Variants in HS6ST3 observed in about 807,000 individuals in gnomAD.
HS6ST3 encodes the protein heparan-sulfate 6-O-sulfotransferase 3.
HS6ST3 carries 12 observed loss-of-function variants against 36.7 expected under a neutral mutation model. The ratio of observed to expected loss-of-function variants is 0.33; its 90% CI spans 0.21 to 0.53. The LOEUF is 0.53. Ranked by LOEUF, HS6ST3 falls within the 20% of genes least tolerant of loss-of-function variation. The pLI is 0.95. For synonymous variants in HS6ST3, 240 were observed against 257.5 expected (o/e 0.93, Z 0.65); for missense variants, 584 against 640.9 (o/e 0.91, Z 0.96).
chr13:96,181,983 C>T (rs1410590967), intron 1 of HS6ST3, among the ~76,000 whole-genome samples: 1 of 152,108 alleles, frequency 6.6e-6, no homozygotes, highest in African/African-American at 2.4e-5. Context: ...TATTCACCTA[C>T]CCTGTTTTGT....
chr13:96,650,146 C>A (rs956713981), intron 1 of HS6ST3, among the ~76,000 whole-genome samples: 8 of 151,942 alleles, frequency 5.3e-5, no homozygotes, highest in African/African-American at 1.7e-4. Context: ...TCCCCCATAC[C>A]CTGCTCTACT....
intron 1 of HS6ST3, among the ~76,000 whole-genome samples, chr13:96,175,407 T>C (rs2054207784): frequency 6.6e-6 from 1 of 152,150 alleles, no homozygotes; most frequent in South Asian, 2.1e-4. Flanking sequence ...ATCTTTGATA[T>C]GTGAAGTTTC....
At chr13:96,307,505 AT>A (rs1484743280) in intron 1 of HS6ST3, among the ~76,000 whole-genome samples, 23 of 152,144 alleles carry the variant, frequency 1.5e-4, no homozygotes, top group African/African-American at 5.1e-4. Flanking sequence ...AGGTATATTT[AT>A]TAATATAATA....
At chr13:96,799,549 C>A (rs2138526266) in intron 1 of HS6ST3, among the ~76,000 whole-genome samples, 1 of 149,662 alleles carries the variant, frequency 6.7e-6, no homozygotes, top group Non-Finnish European at 1.5e-5. Context: ...CCAAACACCG[C>A]ATATTCTCAC....
At chr13:96,130,187 T>C (rs2053969015) in intron 1 of HS6ST3, among the ~76,000 whole-genome samples, 1 of 152,228 alleles carries the variant, frequency 6.6e-6, no homozygotes, top group Admixed American at 6.5e-5. Context: ...TTTCAAACTT[T>C]ACTTGGTAGG....
chr13:96,313,644 T>C (rs2054952849), intron 1 of HS6ST3, among the ~76,000 whole-genome samples: 1 of 152,198 alleles, frequency 6.6e-6, no homozygotes, highest in African/African-American at 2.4e-5. Flanking sequence ...ATGTCCCCCA[T>C]GATAGCCTCA....
chr13:96,111,215 G>A (rs977127650), intron 1 of HS6ST3, among the ~76,000 whole-genome samples: 8 of 152,118 alleles, frequency 5.3e-5, no homozygotes, highest in African/African-American at 1.7e-4. Flanking sequence ...TCCATTTTTA[G>A]CATATATAAT....
At chr13:96,112,578 AAT>A (rs59107741) in intron 1 of HS6ST3, among the ~76,000 whole-genome samples, 2,547 of 80,848 alleles carry the variant, frequency 0.032, 346 homozygotes, top group Middle Eastern at 0.037. Context: ...AAAATAAATA[AAT>A]ATATATATAT....
chr13:96,600,409 A>T (rs1036704472), intron 1 of HS6ST3, among the ~76,000 whole-genome samples: 1 of 151,132 alleles, frequency 6.6e-6, no homozygotes, highest in Non-Finnish European at 1.5e-5. Flanking sequence ...TTGATCCTTT[A>T]TTATTATATA....
intron 1 of HS6ST3, among the ~76,000 whole-genome samples, chr13:96,262,097 C>T (rs565864240): frequency 6.6e-6 from 1 of 152,240 alleles, no homozygotes; most frequent in Admixed American, 6.5e-5. Flanking sequence ...TGCATCACGA[C>T]TGTCATTCAA....
intron 1 of HS6ST3, among the ~76,000 whole-genome samples, chr13:96,377,609 A>T (rs1323140193): frequency 6.6e-6 from 1 of 152,190 alleles, no homozygotes. Flanking sequence ...CAACATTCCT[A>T]CAGTGGATGT....
chr13:96,494,111 C>A (rs2055960543), intron 1 of HS6ST3, among the ~76,000 whole-genome samples: 1 of 151,742 alleles, frequency 6.6e-6, no homozygotes, highest in African/African-American at 2.4e-5. Context: ...CTTTTGGCTG[C>A]ATAAATGTCT....
intron 1 of HS6ST3, among the ~76,000 whole-genome samples, chr13:96,233,860 G>A (rs1267533588): frequency 1.3e-5 from 2 of 152,084 alleles, no homozygotes; most frequent in Non-Finnish European, 2.9e-5. Context: ...AATTCAGGGA[G>A]CTTTTGGGGA....
intron 1 of HS6ST3, among the ~76,000 whole-genome samples, chr13:96,312,718 G>A (rs1050948958): frequency 1.3e-5 from 2 of 152,032 alleles, no homozygotes; most frequent in African/African-American, 4.8e-5. Flanking sequence ...TTGGGAGGCT[G>A]AGTCGGGCAG....
At chr13:96,737,832 C>T (rs1480051835) in intron 1 of HS6ST3, among the ~76,000 whole-genome samples, 1 of 152,048 alleles carries the variant, frequency 6.6e-6, no homozygotes, top group Non-Finnish European at 1.5e-5. Flanking sequence ...GAGGCCTTCA[C>T]TTTTGGCTCT....
At chr13:96,574,675 T>C (rs1309698332) in intron 1 of HS6ST3, among the ~76,000 whole-genome samples, 2 of 152,194 alleles carry the variant, frequency 1.3e-5, no homozygotes, top group Non-Finnish European at 2.9e-5. Flanking sequence ...TTACATTGAA[T>C]GAAACAGAAC....
At chr13:96,763,156 G>A (rs1877010615) in intron 1 of HS6ST3, among the ~76,000 whole-genome samples, 2 of 151,836 alleles carry the variant, frequency 1.3e-5, no homozygotes, top group South Asian at 4.2e-4. Context: ...GAAAAATGTG[G>A]ACTACTAAAA....
At chr13:96,540,925 A>G (rs1314359621) in intron 1 of HS6ST3, among the ~76,000 whole-genome samples, 4 of 152,152 alleles carry the variant, frequency 2.6e-5, no homozygotes, top group Non-Finnish European at 4.4e-5. Flanking sequence ...ATTAATCTCC[A>G]TCTATGCGCA....
chr13:96,807,151 G>A (rs866987435), intron 1 of HS6ST3, among the ~76,000 whole-genome samples: 21 of 152,294 alleles, frequency 1.4e-4, no homozygotes, highest in South Asian at 6.2e-4. Flanking sequence ...CTGAAGCAAT[G>A]AACACCATGC....
Sources: gnomAD v4.1 joint callset for allele counts (sites outside exome capture counted in the v4.1 genomes callset) on GRCh38, gnomAD v4.1.1 for gene constraint, MANE v1.5 for transcripts, NCBI Gene and HGNC (gene_info 2026-07-23, HGNC 2026-07-21) for gene names.